The following TBC1D5 variants were observed in gnomAD, a reference collection of about 807,000 sequenced individuals.
TBC1D5 encodes TBC1 domain family member 5.
A neutral mutation model predicts 100.3 loss-of-function variants in TBC1D5; 75 were observed. The observed-to-expected ratio is 0.75, with a 90% CI of 0.62 to 0.91. The LOEUF is 0.91. TBC1D5 is among the 40% of genes least tolerant of loss of function. The pLI, the probability that TBC1D5 is intolerant of heterozygous loss-of-function variation, is 0.00. For missense variants in TBC1D5, 910 were observed against 942.4 expected (o/e 0.97, Z 0.45); for synonymous variants, 323 against 325.6 (o/e 0.99, Z 0.09).
At chr3:17,330,968 T>G (rs1371264205) in intron 13 of TBC1D5, among the ~76,000 whole-genome samples, 1 of 152,288 alleles carries the variant, frequency 6.6e-6, no homozygotes, top group Middle Eastern at 3.4e-3. Flanking sequence ...TTCTGATCCC[T>G]CCTTTTCCTC....
intron 13 of TBC1D5, among the ~76,000 whole-genome samples, chr3:17,370,621 C>T (rs1466387107): frequency 6.6e-6 from 1 of 152,116 alleles, no homozygotes; most frequent in Non-Finnish European, 1.5e-5. Flanking sequence ...GGAAAACATG[C>T]AGCGTTAAAA....
chr3:17,670,339 C>T (rs1345997581), intron 1 of TBC1D5, among the ~76,000 whole-genome samples: 2 of 152,210 alleles, frequency 1.3e-5, no homozygotes, highest in East Asian at 3.8e-4. Flanking sequence ...AAACATAAAG[C>T]ATGCACATTA....
chr3:17,460,181 T>A (rs1045840110), intron 3 of TBC1D5, among the ~76,000 whole-genome samples: 3 of 152,180 alleles, frequency 2.0e-5, no homozygotes, highest in African/African-American at 4.8e-5. Flanking sequence ...ATGTGGAGAA[T>A]TAGATATTCA....
At chr3:17,205,651 G>T (rs567874922) in intron 18 of TBC1D5, among the ~76,000 whole-genome samples, 4 of 152,092 alleles carry the variant, frequency 2.6e-5, no homozygotes, top group African/African-American at 7.2e-5. Context: ...TGAGCCTCTC[G>T]TGACCCTTCT....
At chr3:17,502,431 A>G (rs998687197) in intron 3 of TBC1D5, among the ~76,000 whole-genome samples, 1 of 148,908 alleles carries the variant, frequency 6.7e-6, no homozygotes, top group African/African-American at 2.6e-5. Flanking sequence ...CTACTTCTCC[A>G]GCCTCTTTTT....
At chr3:17,159,003 G>C (rs1367479818) in exon 22 of TBC1D5, 3 of 152,228 alleles carry the variant, frequency 2.0e-5, no homozygotes, top group Non-Finnish European at 4.4e-5. Context: ...AAGGTCACTC[G>C]CTGTATGGGG....
At chr3:17,440,622 A>T (rs1487813722) in intron 3 of TBC1D5, among the ~76,000 whole-genome samples, 1 of 152,048 alleles carries the variant, frequency 6.6e-6, no homozygotes, top group Non-Finnish European at 1.5e-5. Flanking sequence ...GTCTCTTAAA[A>T]ACATATACAT....
chr3:17,555,113 T>C (rs2096506151), intron 2 of TBC1D5, among the ~76,000 whole-genome samples: 1 of 152,072 alleles, frequency 6.6e-6, no homozygotes, highest in South Asian at 2.1e-4. Flanking sequence ...CCTCCCAAAG[T>C]GCTGGGATTA....
intron 16 of TBC1D5, among the ~76,000 whole-genome samples, chr3:17,243,956 T>A (rs1301922685): frequency 2.0e-5 from 3 of 152,134 alleles, no homozygotes; most frequent in Non-Finnish European, 4.4e-5. Flanking sequence ...AGCTGAAAAC[T>A]ATGCTGGAAG....
intron 1 of TBC1D5, among the ~76,000 whole-genome samples, chr3:17,700,558 G>A (rs2153875014): frequency 6.6e-6 from 1 of 152,168 alleles, no homozygotes; most frequent in East Asian, 1.9e-4. Context: ...CAGAATAGGA[G>A]AAAATTTTTG....
intron 19 of TBC1D5, among the ~76,000 whole-genome samples, chr3:17,181,761 C>A (rs750090517): frequency 6.6e-6 from 1 of 152,056 alleles, no homozygotes; most frequent in Non-Finnish European, 1.5e-5. Flanking sequence ...CTTGGAAAGT[C>A]CCTCTATAAC....
chr3:17,606,320 G>A (rs1318338189), intron 2 of TBC1D5, among the ~76,000 whole-genome samples: 1 of 152,100 alleles, frequency 6.6e-6, no homozygotes, highest in Non-Finnish European at 1.5e-5. Flanking sequence ...GCATGCGCCT[G>A]GGGTTCCAGC....
At chr3:17,586,648 A>G (rs2096734872) in intron 2 of TBC1D5, 2 of 152,162 alleles carry the variant, frequency 1.3e-5, no homozygotes, top group African/African-American at 4.8e-5. Flanking sequence ...ATATCATATC[A>G]AACAATACAA....
chr3:17,177,492 T>C (rs903104195), intron 19 of TBC1D5, among the ~76,000 whole-genome samples: 2 of 152,208 alleles, frequency 1.3e-5, no homozygotes, highest in African/African-American at 4.8e-5. Flanking sequence ...GCCCAGAGTT[T>C]AGGTGCATGC....
At chr3:17,327,508 G>A (rs1362570602) in intron 13 of TBC1D5, among the ~76,000 whole-genome samples, 1 of 152,178 alleles carries the variant, frequency 6.6e-6, no homozygotes, top group African/African-American at 2.4e-5. Context: ...GTTTGAGCAT[G>A]TCAGTCATAG....
intron 17 of TBC1D5, among the ~76,000 whole-genome samples, chr3:17,224,824 C>G (rs918444507): frequency 3.9e-5 from 6 of 152,188 alleles, no homozygotes; most frequent in African/African-American, 1.4e-4. Context: ...TATTACCCTG[C>G]TTAGTAAACT....
Position 17,415,711 on chromosome 3 carries a change from T to A in TBC1D5, c.168-9185A>T, listed in dbSNP as rs558369162. ...AAAGGACTGGCATTTAGAAATGAAG[T>A]GAGAAAAGGATCCTATACCAGCAAT... On this transcript the variant is annotated intron_variant, in intron 4 of 21. Transcript: ENST00000253692. Among the ~76,000 whole-genome samples, 22 of 152,236 alleles carry A rather than the reference T, an allele frequency of 1.4e-4. 1 individual carries two copies. The East Asian group carries it at 4.2e-3, about 29-fold the overall frequency.
At chr3:17,230,140 T>G (rs1197268216) in intron 17 of TBC1D5, among the ~76,000 whole-genome samples, 1 of 151,786 alleles carries the variant, frequency 6.6e-6, no homozygotes, top group Non-Finnish European at 1.5e-5. Flanking sequence ...CCATTTTTTG[T>G]TTTTTTTGGT....
intron 17 of TBC1D5, among the ~76,000 whole-genome samples, chr3:17,223,405 TCTGGAC>T (rs2074496718): frequency 6.6e-6 from 1 of 152,210 alleles, no homozygotes; most frequent in Non-Finnish European, 1.5e-5. Flanking sequence ...CATGTATATA[TCTGGAC>T]CTTTACATAT....
Sources: gnomAD v4.1 joint callset for allele counts (sites outside exome capture counted in the v4.1 genomes callset) on GRCh38, gnomAD v4.1.1 for gene constraint, MANE v1.5 for transcripts, NCBI Gene and HGNC (gene_info 2026-07-23, HGNC 2026-07-21) for gene names.